The following PDE9A variants were observed in gnomAD, a reference collection of about 807,000 sequenced individuals.
PDE9A encodes high affinity cGMP-specific 3',5'-cyclic phosphodiesterase 9A.
Under a neutral mutation model 87.4 loss-of-function variants are expected in PDE9A, and 60 were observed. The observed-to-expected ratio is 0.69, with a 90% CI of 0.56 to 0.85. The LOEUF (loss-of-function observed/expected upper bound fraction) is 0.85, where lower values mean the gene tolerates loss of function less well. Ranked by LOEUF, PDE9A falls within the 40% of genes least tolerant of loss-of-function variation. The pLI is 0.00. For synonymous variants in PDE9A, 272 were observed against 279.4 expected (o/e 0.97, Z 0.27); for missense variants, 665 against 779.0 (o/e 0.85, Z 1.74).
chr21:42,715,334 A>G (rs11203208), intron 4 of PDE9A, among the ~76,000 whole-genome samples: 16,675 of 151,926 alleles, frequency 0.11, 1,159 homozygotes, highest in East Asian at 0.35. Flanking sequence ...ATCAGATTGT[A>G]TATTGGTTAC....
intron 1 of PDE9A, among the ~76,000 whole-genome samples, chr21:42,670,330 ACACATT>A (rs1264874738): frequency 1.5e-4 from 16 of 109,276 alleles, no homozygotes; most frequent in African/African-American, 5.2e-4. Context: ...TCACATTCAC[ACACATT>A]CACATACATT....
chr21:42,712,508 AT>A (rs1569186421), intron 4 of PDE9A, among the ~76,000 whole-genome samples: 1 of 152,104 alleles, frequency 6.6e-6, no homozygotes, highest in East Asian at 1.9e-4. Context: ...TTTGGCTTTT[AT>A]TTCTTTTACT....
At chr21:42,764,984 T>TGGAA (rs1183752516) in intron 14 of PDE9A, among the ~76,000 whole-genome samples, 4 of 18,696 alleles carry the variant, frequency 2.1e-4, no homozygotes, top group South Asian at 1.6e-3. Context: ...GGTGGGTGGG[T>TGGAA]GGATGGATGG....
chr21:42,672,727 G>A (rs917660490), intron 1 of PDE9A, among the ~76,000 whole-genome samples: 1 of 152,220 alleles, frequency 6.6e-6, no homozygotes, highest in Non-Finnish European at 1.5e-5. Flanking sequence ...TTGTTCATCC[G>A]ACGCGGTTGA....
chr21:42,751,779 T>A (rs1192257510), intron 9 of PDE9A, among the ~76,000 whole-genome samples: 5 of 120,352 alleles, frequency 4.2e-5, no homozygotes, highest in African/African-American at 1.6e-4. Context: ...AGTGTTTCAC[T>A]CTTGTTGCCC....
chr21:42,755,428 G>T (rs768737422), intron 10 of PDE9A, among the ~76,000 whole-genome samples: 5 of 152,182 alleles, frequency 3.3e-5, no homozygotes, highest in Non-Finnish European at 7.3e-5. Context: ...AGCAGCAGGC[G>T]GCCAGTCCCA....
intron 4 of PDE9A, among the ~76,000 whole-genome samples, chr21:42,708,900 A>C (rs2049058008): frequency 6.6e-6 from 1 of 152,164 alleles, no homozygotes. Flanking sequence ...TAGATCTTTC[A>C]GGAATCACCA....
intron 8 of PDE9A, among the ~76,000 whole-genome samples, chr21:42,744,668 TGACTCGTGGG>T: frequency 6.6e-6 from 1 of 152,268 alleles, no homozygotes; most frequent in South Asian, 2.1e-4. Context: ...CAGTGAGCTG[TGACTCGTGGG>T]GAAAATGCCC....
rs373378705 is a variant in PDE9A, at chr21:42,754,073, G to A, written c.810+9G>A. The A allele has an allele frequency of 2.8e-5, 45 of 1,599,438 alleles. No homozygotes were observed. The highest frequency in any genetic ancestry group is 6.6e-5 in the South Asian group (6 of 90,622). On this transcript the variant is annotated intron_variant, in intron 10 of 19. Coordinates refer to ENST00000291539, the MANE Select transcript of PDE9A (RefSeq NM_002606.3). ...TTTGGGAGCCCAATGAGGTAAGTGC[G>A]GGGCTTGCAGGCACCACGTCCCAGG...
chr21:42,762,367 C>A, intron 14 of PDE9A, 128 bp downstream of exon 14: 1 of 932,008 alleles, frequency 1.1e-6, no homozygotes, highest in Non-Finnish European at 1.6e-6. Flanking sequence ...CCCAAGGGAA[C>A]CCCTCCCTCC....
At position 42,739,925 on chromosome 21, in the gene PDE9A, A is replaced by G. The variant is rs2052928615; in HGVS notation, c.569-3851A>G. Among the ~76,000 whole-genome samples the G allele has an allele frequency of 6.6e-6, 1 of 152,194 alleles. No individual in the cohort carries two copies. The highest frequency in any genetic ancestry group is 2.1e-4 in the South Asian group (1 of 4,826). On this transcript the variant is annotated intron_variant, in intron 7 of 19. Coordinates refer to ENST00000291539, the MANE Select transcript of PDE9A (RefSeq NM_002606.3). This position sits in a 1 kb window ranked among gnomAD's most constrained non-coding sequence, Gnocchi z 4.1. Reference sequence around the variant, plus strand: ...TAAATAGCATTTTCCTCGGGGGATAAAAAGAAAAACGTGAGCTGCGACAGC... The same window carrying G: ...TAAATAGCATTTTCCTCGGGGGATAGAAAGAAAAACGTGAGCTGCGACAGC...
intron 1 of PDE9A, among the ~76,000 whole-genome samples, chr21:42,666,118 A>G (rs536473485): frequency 6.6e-6 from 1 of 152,216 alleles, no homozygotes; most frequent in South Asian, 2.1e-4. Context: ...GGGCGTGGCC[A>G]CCAGTGCAGT....
chr21:42,662,986 AAC>A (rs1049944204), intron 1 of PDE9A, among the ~76,000 whole-genome samples: 6 of 117,102 alleles, frequency 5.1e-5, no homozygotes, highest in African/African-American at 9.9e-5. Context: ...CACACACAAG[AAC>A]ACACACCACA....
chr21:42,775,103 G>A (rs1481882532), intron 19 of PDE9A, among the ~76,000 whole-genome samples, 177 bp from the exon 20 acceptor site: 1 of 151,746 alleles, frequency 6.6e-6, no homozygotes, highest in Non-Finnish European at 1.5e-5. Flanking sequence ...CACCACGCCT[G>A]GCTAATTTTT....
chr21:42,737,976 C>T (rs1282756553), intron 7 of PDE9A, among the ~76,000 whole-genome samples: 2 of 152,204 alleles, frequency 1.3e-5, no homozygotes, highest in African/African-American at 4.8e-5. Flanking sequence ...TTCGAGAGAT[C>T]TGGGATTTCC....
At chr21:42,662,777 C>CCA (rs199499714) in intron 1 of PDE9A, among the ~76,000 whole-genome samples, 81 of 126,986 alleles carry the variant, frequency 6.4e-4, no homozygotes, top group African/African-American at 2.1e-3. Flanking sequence ...AGGACACACA[C>CCA]CACACACACA....
At chr21:42,668,895 T>TCCCCCCC (rs1229611821) in intron 1 of PDE9A, among the ~76,000 whole-genome samples, 32 of 99,504 alleles carry the variant, frequency 3.2e-4, no homozygotes, top group East Asian at 6.9e-4. Context: ...AGCTGCTCCC[T>TCCCCCCC]CCACCCCCCG....
chr21:42,712,023 G>C lies in PDE9A; in HGVS notation c.262+13012G>C, dbSNP rs535634093. Among the ~76,000 whole-genome samples the C allele has an allele frequency of 3.2e-3, 488 of 151,124 alleles. 3 individuals carry two copies. Among genetic ancestry groups the C allele is most frequent in the Admixed American group, 6.3e-3 (96 of 15,170 alleles). On this transcript the variant is annotated intron_variant, in intron 4 of 19. Transcript: ENST00000291539. ...CTCTGCATTTGTTTTGACTGTATAG[G>C]TTCTTTTCTTTTCCCTACAAATTTT...
chr21:42,666,900 C>T (rs902386400), intron 1 of PDE9A, among the ~76,000 whole-genome samples: 2 of 152,166 alleles, frequency 1.3e-5, no homozygotes, highest in Non-Finnish European at 2.9e-5. Context: ...GGATCCAGAA[C>T]GACATTGGGT....
Sources: gnomAD v4.1 joint callset for allele counts (sites outside exome capture counted in the v4.1 genomes callset) on GRCh38, gnomAD v4.1.1 for gene constraint, Gnocchi (gnomAD v3.1) non-coding constraint, MANE v1.5 for transcripts, NCBI Gene and HGNC (gene_info 2026-07-23, HGNC 2026-07-21) for gene names.